The following LRMDA variants were observed in gnomAD, a reference collection of about 807,000 sequenced individuals.
The protein encoded by LRMDA is leucine-rich melanocyte differentiation-associated protein.
LRMDA carries 18 observed loss-of-function variants against 29.8 expected under a neutral mutation model. That is an observed-to-expected ratio of 0.60 (90% CI 0.42 to 0.90). The LOEUF is 0.90. Ranked by LOEUF, LRMDA falls within the 40% of genes least tolerant of loss-of-function variation. The pLI is 0.00. For missense variants in LRMDA, 273 were observed against 273.9 expected (o/e 1.00, Z 0.02); for synonymous variants, 125 against 109.4 (o/e 1.14, Z -0.89).
At chr10:75,828,013 A>G (rs1844276083) in intron 2 of LRMDA, among the ~76,000 whole-genome samples, 1 of 152,176 alleles carries the variant, frequency 6.6e-6, no homozygotes, top group Non-Finnish European at 1.5e-5. Flanking sequence ...CTTTGCTTGT[A>G]CATTCCTCAA....
At chr10:76,085,098 G>A (rs1425223748) in intron 5 of LRMDA, among the ~76,000 whole-genome samples, 1 of 152,154 alleles carries the variant, frequency 6.6e-6, no homozygotes, top group African/African-American at 2.4e-5. Context: ...TAATAACCTA[G>A]AGAAGGTTGT....
intron 5 of LRMDA, among the ~76,000 whole-genome samples, chr10:76,167,767 A>C (rs4362088): frequency 2.6e-5 from 4 of 152,030 alleles, no homozygotes; most frequent in Admixed American, 2.6e-4. Flanking sequence ...GAATTTTAAA[A>C]TAGTTTCTTG....
intron 6 of LRMDA, among the ~76,000 whole-genome samples, chr10:76,327,245 C>G (rs1840846775): frequency 6.6e-6 from 1 of 152,034 alleles, no homozygotes; most frequent in African/African-American, 2.4e-5. Flanking sequence ...GTGTGTGCCA[C>G]CATGCCTGGC....
chr10:76,032,927 G>A (rs186912360), intron 2 of LRMDA, among the ~76,000 whole-genome samples: 1 of 152,180 alleles, frequency 6.6e-6, no homozygotes, highest in East Asian at 1.9e-4. Context: ...CCATACACAA[G>A]GTGATAGCAG....
intron 2 of LRMDA, among the ~76,000 whole-genome samples, chr10:75,734,225 TAAAC>T (rs1564552807): frequency 6.6e-6 from 1 of 152,246 alleles, no homozygotes; most frequent in South Asian, 2.1e-4. Flanking sequence ...AGAAAAAAAT[TAAAC>T]AATAATAGAG....
intron 5 of LRMDA, among the ~76,000 whole-genome samples, chr10:76,059,768 T>C (rs1223644335): frequency 6.6e-6 from 1 of 152,250 alleles, no homozygotes; most frequent in African/African-American, 2.4e-5. Context: ...TCCATCAAGT[T>C]GCTCTGCTGG....
chr10:75,689,854 G>A (rs1842123465), intron 2 of LRMDA, among the ~76,000 whole-genome samples: 2 of 152,176 alleles, frequency 1.3e-5, no homozygotes, highest in Admixed American at 6.5e-5. Flanking sequence ...GCTGCAGCCC[G>A]TCAGTTCTCC....
At chr10:76,248,468 A>G (rs1852415919) in intron 5 of LRMDA, among the ~76,000 whole-genome samples, 1 of 152,154 alleles carries the variant, frequency 6.6e-6, no homozygotes, top group South Asian at 2.1e-4. Flanking sequence ...TCCGTCAAAA[A>G]CATTTCTTAA....
At chr10:76,382,925 C>T (rs933357891) in intron 6 of LRMDA, among the ~76,000 whole-genome samples, 1 of 152,210 alleles carries the variant, frequency 6.6e-6, no homozygotes, top group Non-Finnish European at 1.5e-5. Context: ...AAGAGAAATA[C>T]AGCCAGCACA....
intron 6 of LRMDA, among the ~76,000 whole-genome samples, chr10:76,509,885 C>T (rs1453494969): frequency 6.6e-6 from 1 of 152,170 alleles, no homozygotes; most frequent in Non-Finnish European, 1.5e-5. Context: ...TTATCTGAAG[C>T]TCAGACTTTA....
At chr10:76,347,898 C>G (rs565197181) in intron 6 of LRMDA, among the ~76,000 whole-genome samples, 1 of 152,030 alleles carries the variant, frequency 6.6e-6, no homozygotes, top group Non-Finnish European at 1.5e-5. Context: ...ATTAAATGAT[C>G]TGTAATATGT....
At chr10:76,151,755 C>A (rs1832600993) in intron 5 of LRMDA, among the ~76,000 whole-genome samples, 1 of 152,178 alleles carries the variant, frequency 6.6e-6, no homozygotes, top group South Asian at 2.1e-4. Context: ...ATATTATACA[C>A]AACATCCTAA....
intron 2 of LRMDA, among the ~76,000 whole-genome samples, chr10:75,933,548 A>G (rs185807170): frequency 6.6e-6 from 1 of 152,168 alleles, no homozygotes; most frequent in African/African-American, 2.4e-5. Context: ...TTCAGAGTGC[A>G]ATGTATGTCC....
intron 6 of LRMDA, among the ~76,000 whole-genome samples, chr10:76,537,536 G>C (rs1257900203): frequency 1.3e-5 from 2 of 152,122 alleles, no homozygotes; most frequent in Non-Finnish European, 2.9e-5. Flanking sequence ...GCCTTTTCCA[G>C]CTTCTAAAGG....
At chr10:76,246,295 C>G (rs1401564085) in intron 5 of LRMDA, among the ~76,000 whole-genome samples, 1 of 152,180 alleles carries the variant, frequency 6.6e-6, no homozygotes, top group Non-Finnish European at 1.5e-5. Context: ...CTCAAAAAGC[C>G]TGTATGGAAA....
At chr10:75,974,114 T>C (rs1847029571) in intron 2 of LRMDA, among the ~76,000 whole-genome samples, 1 of 152,198 alleles carries the variant, frequency 6.6e-6, no homozygotes, top group Admixed American at 6.5e-5. Context: ...TGGTATTCCA[T>C]TGTCCCCAGT....
intron 5 of LRMDA, among the ~76,000 whole-genome samples, chr10:76,233,531 A>G (rs1444307611): frequency 6.6e-6 from 1 of 152,180 alleles, no homozygotes; most frequent in African/African-American, 2.4e-5. Flanking sequence ...ATTTCTCTGT[A>G]GCATGTGATG....
chr10:75,693,697 T>C (rs908121859), intron 2 of LRMDA, among the ~76,000 whole-genome samples: 1 of 152,208 alleles, frequency 6.6e-6, no homozygotes, highest in Non-Finnish European at 1.5e-5. Context: ...TTAATGCGCC[T>C]TATTCTCTTT....
intron 5 of LRMDA, among the ~76,000 whole-genome samples, chr10:76,086,596 C>T (rs1281679058): frequency 6.6e-6 from 1 of 152,172 alleles, no homozygotes; most frequent in African/African-American, 2.4e-5. Context: ...TAAGTGTTCA[C>T]CAAGTCCCTT....
Sources: allele counts gnomAD v4.1 joint callset (sites outside exome capture counted in the v4.1 genomes callset), GRCh38; gene constraint gnomAD v4.1.1; transcripts MANE v1.5; gene names NCBI Gene and HGNC (gene_info 2026-07-23, HGNC 2026-07-21).